KIAA1671: variants seen among roughly 807,000 people sequenced by gnomAD.
KIAA1671 encodes KIAA1671.
Under a neutral mutation model 131.2 loss-of-function variants are expected in KIAA1671, and 52 were observed. The observed-to-expected ratio is 0.40, with a 90% CI of 0.32 to 0.50. The LOEUF is 0.50. Among genes scored for constraint, KIAA1671 ranks in the 20% least tolerant of loss-of-function variants. KIAA1671 has a pLI of 0.73. For synonymous variants in KIAA1671, 1,003 were observed against 961.6 expected, an observed-to-expected ratio of 1.04 and a Z score of -0.80; for missense variants, 2,360 against 2,364.2, an observed-to-expected ratio of 1.00 and a Z score of 0.04.
intron 5 of KIAA1671, among the ~76,000 whole-genome samples, chr22:25,045,888 G>T (rs961119038): frequency 3.3e-5 from 5 of 151,526 alleles, no homozygotes; most frequent in Admixed American, 6.6e-5. Flanking sequence ...ACTGCACCCG[G>T]CCTCCCCTTC....
At chr22:25,034,887 G>A (rs1465778586) in intron 4 of KIAA1671, among the ~76,000 whole-genome samples, 7 of 147,790 alleles carry the variant, frequency 4.7e-5, no homozygotes, top group Non-Finnish European at 8.9e-5. Context: ...ACAGAGGCCC[G>A]CCACCACGCC....
chr22:25,150,087 C>T (rs1455472356), intron 6 of KIAA1671, among the ~76,000 whole-genome samples: 1 of 152,222 alleles, frequency 6.6e-6, no homozygotes, highest in Non-Finnish European at 1.5e-5. Flanking sequence ...AGATCCTTAG[C>T]ATAGTTCTGT....
chr22:24,998,079 A>G (rs916238719), intron 1 of KIAA1671, among the ~76,000 whole-genome samples: 10 of 152,152 alleles, frequency 6.6e-5, no homozygotes, highest in African/African-American at 2.4e-4. Flanking sequence ...CGTCCTGATA[A>G]ACCCATCATA....
At chr22:25,099,646 C>T (rs1168677046) in intron 6 of KIAA1671, among the ~76,000 whole-genome samples, 2 of 145,222 alleles carry the variant, frequency 1.4e-5, no homozygotes, top group Non-Finnish European at 3.0e-5. Flanking sequence ...CCTCTGCCTC[C>T]CGGGTTCACA....
At chr22:25,140,809 A>G (rs1193722491) in intron 6 of KIAA1671, among the ~76,000 whole-genome samples, 3 of 152,220 alleles carry the variant, frequency 2.0e-5, no homozygotes, top group Non-Finnish European at 2.9e-5. Context: ...GAGGCGTGGT[A>G]TGAGAAATTG....
intron 6 of KIAA1671, among the ~76,000 whole-genome samples, chr22:25,169,561 C>T (rs1040846750): frequency 7.9e-5 from 12 of 152,224 alleles, no homozygotes; most frequent in Non-Finnish European, 4.4e-5. Flanking sequence ...GCACCAGCTT[C>T]TCCCCACTCA....
chr22:24,993,261 G>C (rs75589946), intron 1 of KIAA1671, among the ~76,000 whole-genome samples: 2,150 of 152,196 alleles, frequency 0.014, 29 homozygotes, highest in Non-Finnish European at 0.021. Flanking sequence ...AGGGAGGCAG[G>C]GTGAGGAAGG....
intron 6 of KIAA1671, among the ~76,000 whole-genome samples, chr22:25,156,677 G>T (rs1422081638): frequency 6.6e-6 from 1 of 152,146 alleles, no homozygotes; most frequent in African/African-American, 2.4e-5. Context: ...TGTGTTTTGT[G>T]TATATACATT....
intron 1 of KIAA1671, among the ~76,000 whole-genome samples, chr22:24,974,434 T>G (rs1030926484): frequency 9.2e-5 from 14 of 151,848 alleles, no homozygotes; most frequent in African/African-American, 3.4e-4. Flanking sequence ...GAAAGTGAGG[T>G]GGAGAGAGCT....
At position 25,195,951 on chromosome 22, in the gene KIAA1671, C is replaced by T. The variant is rs895160602; in HGVS notation, c.*3550C>T. ...CGAGGGGCTGGAGGGATAGGACCCA[C>T]TCCACATCTAAAGGGGATCTGCTTT... On this transcript the variant is annotated 3_prime_UTR_variant, in exon 13 of 13. Coordinates refer to ENST00000358431, the MANE Select transcript of KIAA1671 (RefSeq NM_001145206.2). 6.6e-6 allele frequency: 1 copy of T among 152,194 alleles called. No homozygotes were observed. Among genetic ancestry groups the T allele is most frequent in the African/African-American group, 2.4e-5 (1 of 41,430 alleles). 9.4% of individuals were successfully genotyped at this position (152,194 alleles called of 1,614,324 possible).
chr22:25,190,678 C>G, intron 11 of KIAA1671, 24 bp from the exon 12 acceptor site: 3 of 1,544,718 alleles, frequency 1.9e-6, no homozygotes, highest in Non-Finnish European at 2.6e-6. Context: ...TTCAACTAGT[C>G]TCTTACTGGC....
At chr22:25,155,628 GTTT>G (rs1403527689) in intron 6 of KIAA1671, among the ~76,000 whole-genome samples, 1 of 151,796 alleles carries the variant, frequency 6.6e-6, no homozygotes, top group Non-Finnish European at 1.5e-5. Context: ...GTGTGAAAGT[GTTT>G]TTTGTGTATA....
chr22:24,983,200 T>C (rs1192388168), intron 1 of KIAA1671, among the ~76,000 whole-genome samples: 2 of 152,166 alleles, frequency 1.3e-5, no homozygotes, highest in African/African-American at 4.8e-5. Context: ...GAGTGCACCT[T>C]AACAAATTAT....
intron 6 of KIAA1671, among the ~76,000 whole-genome samples, chr22:25,133,158 A>C (rs1008401220): frequency 1.3e-5 from 2 of 152,160 alleles, no homozygotes; most frequent in African/African-American, 4.8e-5. Context: ...TATTATGCAA[A>C]TATACATTAG....
chr22:25,006,000 G>T (rs973083228), intron 1 of KIAA1671, among the ~76,000 whole-genome samples: 29 of 152,086 alleles, frequency 1.9e-4, no homozygotes, highest in African/African-American at 7.0e-4. Context: ...CACCTGTGCA[G>T]CTAGAGCATT....
chr22:25,032,781 C>A, intron 4 of KIAA1671, 85 bp downstream of exon 4: 2 of 782,128 alleles, frequency 2.6e-6, no homozygotes, highest in Admixed American at 2.6e-5. Flanking sequence ...ATCTTCTAGG[C>A]CCCAGGAAGA....
At chr22:25,141,433 C>T (rs551395052) in intron 6 of KIAA1671, among the ~76,000 whole-genome samples, 17 of 152,154 alleles carry the variant, frequency 1.1e-4, no homozygotes, top group East Asian at 1.9e-4. Flanking sequence ...GGGGTTTCAC[C>T]GTGTTAGCCA....
At chr22:25,178,068 C>G (rs1601385689) in intron 9 of KIAA1671, among the ~76,000 whole-genome samples, 2 of 152,176 alleles carry the variant, frequency 1.3e-5, no homozygotes, top group Admixed American at 6.5e-5. Flanking sequence ...TCAGCCACCC[C>G]CTTCACATTT....
At chr22:24,996,531 G>A (rs1924149180) in intron 1 of KIAA1671, among the ~76,000 whole-genome samples, 1 of 152,130 alleles carries the variant, frequency 6.6e-6, no homozygotes, top group Non-Finnish European at 1.5e-5. Flanking sequence ...TCCCTAGAAG[G>A]AGAGCTTGAG....
Sources: gnomAD v4.1 joint callset for allele counts (sites outside exome capture counted in the v4.1 genomes callset) on GRCh38, gnomAD v4.1.1 for gene constraint, MANE v1.5 for transcripts, NCBI Gene and HGNC (gene_info 2026-07-23, HGNC 2026-07-21) for gene names.